CHST3: variants seen among roughly 807,000 people sequenced by gnomAD.
The protein encoded by CHST3 is carbohydrate sulfotransferase 3.
CHST3 carries 20 observed loss-of-function variants against 35.4 expected under a neutral mutation model. The observed-to-expected ratio is 0.57, with a 90% CI of 0.40 to 0.82. The LOEUF is 0.82. CHST3 is among the 40% of genes least tolerant of loss of function. The pLI is 0.00. For synonymous variants in CHST3, 334 were observed against 295.9 expected (o/e 1.13, Z -1.32); for missense variants, 693 against 670.1 (o/e 1.03, Z -0.38).
intron 1 of CHST3, among the ~76,000 whole-genome samples, chr10:71,987,714 CAAAAAAA>C (rs386371790): frequency 2.2e-5 from 2 of 88,914 alleles, no homozygotes; most frequent in Non-Finnish European, 4.2e-5. Flanking sequence ...GAGACTGTCT[CAAAAAAA>C]AAAAAAAAAA....
chr10:72,007,508 C>T lies in CHST3; in HGVS notation c.477C>T (p.Phe159=). The change falls in exon 3 of 3, where the codon TTC becomes TTT. Residue 159 remains phenylalanine, a synonymous_variant. Transcript: ENST00000373115. ...GEFFNQQGNI[F]YLFEPLWHIE... Reference sequence around the variant, plus strand: ...TCTTCAACCAGCAGGGCAACATCTTCTACCTCTTCGAGCCGCTGTGGCACA... The same window carrying T: ...TCTTCAACCAGCAGGGCAACATCTTTTACCTCTTCGAGCCGCTGTGGCACA... 1 of 1,602,488 alleles carries T rather than the reference C, an allele frequency of 6.2e-7. No individual in the cohort carries two copies. Among genetic ancestry groups the T allele is most frequent in the South Asian group, 1.1e-5 (1 of 91,040 alleles).
At chr10:71,984,020 T>TTTTG (rs575463289) in intron 1 of CHST3, among the ~76,000 whole-genome samples, 88 of 152,234 alleles carry the variant, frequency 5.8e-4, no homozygotes, top group African/African-American at 1.9e-3. Context: ...GTAACGGGCC[T>TTTTG]TTTGTTTGTT....
Position 72,012,517 on chromosome 10 carries a change from A to C in CHST3, c.*4046A>C, listed in dbSNP as rs1483848664. ...TGTCCCTTGCTAAGACAGGAGCAGA[A>C]GACTGGATGGCTGTGTCCTCAAGGC... On this transcript the variant is annotated 3_prime_UTR_variant, in exon 3 of 3. Transcript: ENST00000373115. 1 of 152,328 alleles carries C rather than the reference A, an allele frequency of 6.6e-6. No individual in the cohort carries two copies. Among genetic ancestry groups the C allele is most frequent in the Non-Finnish European group, 1.5e-5 (1 of 68,126 alleles). 9.4% of individuals were successfully genotyped at this position (152,328 alleles called of 1,614,324 possible).
At chr10:72,006,757 C>T (rs1385427964) in intron 2 of CHST3, among the ~76,000 whole-genome samples, 1 of 152,176 alleles carries the variant, frequency 6.6e-6, no homozygotes. Flanking sequence ...AATCCCCCCC[C>T]TTGGGTCACT....
chr10:72,001,163 G>A (rs1011450537), intron 1 of CHST3, among the ~76,000 whole-genome samples: 8 of 152,182 alleles, frequency 5.3e-5, no homozygotes, highest in African/African-American at 1.7e-4. Flanking sequence ...CTCTGCCCAG[G>A]GCCTGGCACG....
intron 1 of CHST3, among the ~76,000 whole-genome samples, chr10:71,986,259 T>G (rs1456045523): frequency 2.0e-5 from 3 of 152,208 alleles, no homozygotes; most frequent in Admixed American, 6.5e-5. Context: ...TCTCCATCTT[T>G]GCTGATTCTA....
chr10:71,980,191 C>T (rs1839786804), intron 1 of CHST3, among the ~76,000 whole-genome samples: 1 of 152,106 alleles, frequency 6.6e-6, no homozygotes. Flanking sequence ...ACACAGACAC[C>T]CACACATAAC....
At chr10:71,969,615 A>G (rs1839669546) in intron 1 of CHST3, among the ~76,000 whole-genome samples, 1 of 152,232 alleles carries the variant, frequency 6.6e-6, no homozygotes, top group African/African-American at 2.4e-5. Flanking sequence ...GCTGAGCTGC[A>G]AAGAAACTGG....
intron 1 of CHST3, among the ~76,000 whole-genome samples, chr10:71,971,820 C>A (rs1198469181): frequency 1.3e-5 from 2 of 152,150 alleles, no homozygotes. Context: ...AGGGCCTGTC[C>A]TGCAGGTTTG....
intron 1 of CHST3, among the ~76,000 whole-genome samples, chr10:72,004,702 A>G (rs1415688220): frequency 6.6e-6 from 1 of 151,818 alleles, no homozygotes; most frequent in Non-Finnish European, 1.5e-5. Flanking sequence ...CCGCATCTAT[A>G]TTTTCTTCCC....
At position 72,007,499 on chromosome 10, in the gene CHST3, C is replaced by T; in HGVS notation, c.468C>T (p.Gly156=). Residue 156 remains glycine, a synonymous_variant, in exon 3 of 3, where the codon GGC becomes GGT. Coordinates refer to ENST00000373115, the MANE Select transcript of CHST3 (RefSeq NM_004273.5). ...TGGGCGAGTTCTTCAACCAGCAGGGCAACATCTTCTACCTCTTCGAGCCGC... is the reference window on the plus strand; with the variant it reads ...TGGGCGAGTTCTTCAACCAGCAGGGTAACATCTTCTACCTCTTCGAGCCGC... ...SFVGEFFNQQ[G]NIFYLFEPLW... The T allele has an allele frequency of 6.2e-7, 1 of 1,602,458 alleles. No homozygotes were observed. Among genetic ancestry groups the T allele is most frequent in the Non-Finnish European group, 8.5e-7 (1 of 1,179,774 alleles).
At chr10:72,004,169 AAATAAT>A (rs3062567) in intron 1 of CHST3, among the ~76,000 whole-genome samples, 1 of 152,032 alleles carries the variant, frequency 6.6e-6, no homozygotes, top group African/African-American at 2.4e-5. Flanking sequence ...CTCCATCTCA[AAATAAT>A]AATAATAATA....
In CHST3 at chr10:72,009,501, G is replaced by GCTGC. The variant is rs1840085852; in HGVS notation, c.*1033_*1036dup. On this transcript the variant is annotated 3_prime_UTR_variant, in exon 3 of 3. Transcript: ENST00000373115. ...CTCCCGAACATGTCCATATTTGAAG[G>GCTGC]CTGCCTCAGGCCTGGCAGGCAGAAG... The GCTGC allele has an allele frequency of 6.6e-6, 1 of 152,218 alleles. No individual in the cohort carries two copies. Among genetic ancestry groups the GCTGC allele is most frequent in the Non-Finnish European group, 1.5e-5 (1 of 68,044 alleles). 9.4% of individuals were successfully genotyped at this position (152,218 alleles called of 1,614,324 possible). A position where few individuals can be genotyped will look rare whatever the true frequency, so the allele number is the denominator to read the frequency against.
intron 1 of CHST3, among the ~76,000 whole-genome samples, chr10:71,987,602 A>C (rs139334675): frequency 3.3e-4 from 49 of 150,402 alleles, no homozygotes; most frequent in Non-Finnish European, 6.1e-4. Flanking sequence ...TGTAATCCCA[A>C]CTACTCGGGA....
chr10:71,966,867 T>C (rs1839636669), intron 1 of CHST3, among the ~76,000 whole-genome samples: 1 of 152,190 alleles, frequency 6.6e-6, no homozygotes, highest in Non-Finnish European at 1.5e-5. Context: ...CCAGTGTTTG[T>C]GTATTTGGTT....
intron 1 of CHST3, among the ~76,000 whole-genome samples, chr10:71,971,438 CAT>C (rs1302503936): frequency 6.6e-6 from 1 of 152,212 alleles, no homozygotes; most frequent in African/African-American, 2.4e-5. Context: ...AGCTTTCTGT[CAT>C]GTGTGTGCTG....
intron 1 of CHST3, among the ~76,000 whole-genome samples, chr10:71,995,629 C>T: frequency 6.6e-6 from 1 of 151,950 alleles, no homozygotes; most frequent in East Asian, 1.9e-4. Context: ...TATTAATTGG[C>T]CTAATTTCAA....
chr10:71,995,251 C>A (rs1447676463), intron 1 of CHST3, among the ~76,000 whole-genome samples: 1 of 151,844 alleles, frequency 6.6e-6, no homozygotes, highest in Non-Finnish European at 1.5e-5. Context: ...CTGATGAAAC[C>A]CCCTCTCTAC....
At chr10:71,977,448 A>ATTTT (rs10554998) in intron 1 of CHST3, among the ~76,000 whole-genome samples, 1 of 128,980 alleles carries the variant, frequency 7.8e-6, no homozygotes, top group African/African-American at 3.0e-5. Context: ...CCTAAGCTCG[A>ATTTT]TTTTTTTTTT....
Sources: gnomAD v4.1 joint callset for allele counts (sites outside exome capture counted in the v4.1 genomes callset) on GRCh38, gnomAD v4.1.1 for gene constraint, MANE v1.5 for transcripts, NCBI Gene and HGNC (gene_info 2026-07-23, HGNC 2026-07-21) for gene names.